Variants in VPS33B observed in about 807,000 individuals in gnomAD.
VPS33B encodes the protein vacuolar protein sorting-associated protein 33B.
In VPS33B, 80 loss-of-function variants were observed where a neutral mutation model predicts 95.3. The observed-to-expected ratio is 0.84, with a 90% CI of 0.70 to 1.01. VPS33B has a LOEUF of 1.01. Among genes scored for constraint, VPS33B ranks in the 50% least tolerant of loss-of-function variants. The pLI is 0.00. For synonymous variants in VPS33B, 280 were observed against 280.4 expected (o/e 1.00, Z 0.01); for missense variants, 715 against 773.4 (o/e 0.92, Z 0.90).
In VPS33B at chr15:91,005,921, C is replaced by T; in HGVS notation, c.939+52G>A. On this transcript the variant is annotated intron_variant, in intron 12 of 22. Transcript: ENST00000333371. The surrounding 1 kb of genome is among the most constrained non-coding windows in gnomAD (Gnocchi z 6.4). ...AGAAGGGGAGCCCAAGGGCAGCAGC[C>T]TTGGGAAGCCACTGAGGCAACAAAA... 1 of 1,610,926 alleles carries T rather than the reference C, an allele frequency of 6.2e-7. No individual in the cohort carries two copies. Among genetic ancestry groups the T allele is most frequent in the Non-Finnish European group, 8.5e-7 (1 of 1,178,012 alleles).
Position 90,998,919 on chromosome 15 carries a change from T to A in VPS33B, c.*56A>T. 1.3e-6 allele frequency: 2 copies of A among 1,585,250 alleles called. No homozygotes were observed. Among genetic ancestry groups the A allele is most frequent in the African/African-American group, 1.3e-5 (1 of 74,544 alleles). On this transcript the variant is annotated 3_prime_UTR_variant, in exon 23 of 23. Coordinates refer to ENST00000333371, the MANE Select transcript of VPS33B (RefSeq NM_018668.5). This position sits in a 1 kb window ranked among gnomAD's most constrained non-coding sequence, Gnocchi z 4.8. ...TTATAGCAGCTGGGTGCCAGATGCC[T>A]GCATCTCACTGAGGAATGTGTTCAG...
In VPS33B at chr15:91,005,583, A is replaced by T. The variant is rs925439634; in HGVS notation, c.1030+111T>A. ...TTCTTCCCACTTTACACCAAGTAAG[A>T]CCATATGCATCAGATGAACAGGGAT... On this transcript the variant is annotated intron_variant, in intron 13 of 22. Coordinates refer to ENST00000333371, the MANE Select transcript of VPS33B (RefSeq NM_018668.5). This position sits in a 1 kb window ranked among gnomAD's most constrained non-coding sequence, Gnocchi z 6.4. 1 of 1,572,984 alleles carries T rather than the reference A, an allele frequency of 6.4e-7. No individual in the cohort carries two copies. Among genetic ancestry groups the T allele is most frequent in the African/African-American group, 1.3e-5 (1 of 74,138 alleles).
rs749173752 is a variant in VPS33B, at chr15:91,007,019, C to T, written c.631G>A (p.Glu211Lys). Residue 211 changes from glutamate (E) to lysine (K), a missense_variant, in exon 9 of 23, where the codon GAG becomes AAG. Coordinates refer to ENST00000333371, the MANE Select transcript of VPS33B (RefSeq NM_018668.5). The surrounding 1 kb of genome is among the most constrained non-coding windows in gnomAD (Gnocchi z 5.3). Reference protein sequence around the residue: ...KMAYELWRNLEEEEDGETKGR... With the variant: ...KMAYELWRNLKEEEDGETKGR... Reference sequence around the variant, plus strand: ...TTGGTTTCGCCATCCTCCTCCTCCTCCAGGTTCCTCCACAATTCATATGCC... The same window carrying T: ...TTGGTTTCGCCATCCTCCTCCTCCTTCAGGTTCCTCCACAATTCATATGCC... 2 of 1,613,194 alleles carry T rather than the reference C, an allele frequency of 1.2e-6. No individual in the cohort carries two copies. Among genetic ancestry groups the T allele is most frequent in the East Asian group, 2.2e-5 (1 of 44,890 alleles).
In VPS33B at chr15:91,018,042, T is replaced by C. The variant is rs904824277; in HGVS notation, c.97-157A>G. 1.3e-5 allele frequency: 9 copies of C among 709,396 alleles called. No homozygotes were observed. The East Asian group carries it at 2.2e-4, about 17-fold the overall frequency. 43.9% of individuals were successfully genotyped at this position (709,396 alleles called of 1,614,324 possible). ...CCTTATTTATTATCTGTATCCACAG[T>C]TGACACTTCTCTGTATATTTACCTA... On this transcript the variant is annotated intron_variant, in intron 1 of 22. Coordinates refer to ENST00000333371, the MANE Select transcript of VPS33B (RefSeq NM_018668.5). The surrounding 1 kb of genome is among the most constrained non-coding windows in gnomAD (Gnocchi z 4.7).
Position 91,006,794 on chromosome 15 carries a change from G to A in VPS33B, c.701-65C>T. The stretch of plus-strand genomic sequence containing the variant: ...CCAGCCTTCTACACAGCATGTCCAA[G>A]GGCAGCTTTGATACTTTCCATAGGG... On this transcript the variant is annotated intron_variant, in intron 9 of 22. Coordinates refer to ENST00000333371, the MANE Select transcript of VPS33B (RefSeq NM_018668.5). This position sits in a 1 kb window ranked among gnomAD's most constrained non-coding sequence, Gnocchi z 5.4. 6.2e-7 allele frequency: 1 copy of A among 1,603,414 alleles called. No individual in the cohort carries two copies. The highest frequency in any genetic ancestry group is 8.5e-7 in the Non-Finnish European group (1 of 1,170,448).
chr15:91,013,785 C>T lies in VPS33B; in HGVS notation c.357+19G>A. 1 of 1,614,128 alleles carries T rather than the reference C, an allele frequency of 6.2e-7. No homozygotes were observed. Among genetic ancestry groups the T allele is most frequent in the South Asian group, 1.1e-5 (1 of 91,088 alleles). On this transcript the variant is annotated intron_variant, in intron 5 of 22. Coordinates refer to ENST00000333371, the MANE Select transcript of VPS33B (RefSeq NM_018668.5). This position sits in a 1 kb window ranked among gnomAD's most constrained non-coding sequence, Gnocchi z 4.5. ...GTCCTGTTCTACCTTATCCCACTTC[C>T]TCCAGGATCCAAACTCACCTTTTGA...
In VPS33B at chr15:91,005,185, G is replaced by C. The variant is rs2040564773; in HGVS notation, c.1106-66C>G. 1.2e-6 allele frequency: 2 copies of C among 1,613,620 alleles called. No individual in the cohort carries two copies. The highest frequency in any genetic ancestry group is 1.3e-5 in the African/African-American group (1 of 75,056). The stretch of plus-strand genomic sequence containing the variant: ...TCAGCTGCTGCCATCTATGCTAACA[G>C]GTGTCTGTCTCCCCATCTCTTTCTC... On this transcript the variant is annotated intron_variant, in intron 14 of 22. Transcript: ENST00000333371. The surrounding 1 kb of genome is among the most constrained non-coding windows in gnomAD (Gnocchi z 6.4).
At position 91,006,399 on chromosome 15, in the gene VPS33B, C is replaced by T. The variant is rs557447865; in HGVS notation, c.825G>A (p.Leu275=). The part of the protein sequence containing the change: ...GPEVTSSDKS[L]KVLLNAEDKV... ...TGTCCTCGGCATTGAGTAGCACCTT[C>T]AGGCTCTTGTCAGAGGATGTGACTT... is the stretch of plus-strand genomic sequence containing the variant. The change falls in exon 11 of 23, where the codon CTG becomes CTA. Residue 275 remains leucine (L), a synonymous_variant. Transcript: ENST00000333371. The surrounding 1 kb of genome is among the most constrained non-coding windows in gnomAD (Gnocchi z 5.4). 5.5e-5 allele frequency: 88 copies of T among 1,614,242 alleles called. No individual in the cohort carries two copies. The highest frequency in any genetic ancestry group is 2.2e-4 in the East Asian group (10 of 44,886).
chr15:91,014,468 G>A (rs772245143), intron 3 of VPS33B, 35 bp from the exon 4 acceptor site: 1 of 1,610,758 alleles, frequency 6.2e-7, no homozygotes, highest in East Asian at 2.2e-5. Flanking sequence ...CAGTGAAGAA[G>A]AATTATCAAG....
At position 91,006,782 on chromosome 15, in the gene VPS33B, C is replaced by G; in HGVS notation, c.701-53G>C. 6 of 1,607,956 alleles carry G rather than the reference C, an allele frequency of 3.7e-6. No individual in the cohort carries two copies. Among genetic ancestry groups the G allele is most frequent in the Non-Finnish European group, 5.1e-6 (6 of 1,174,428 alleles). On this transcript the variant is annotated intron_variant, in intron 9 of 22. Coordinates refer to ENST00000333371, the MANE Select transcript of VPS33B (RefSeq NM_018668.5). The surrounding 1 kb of genome is among the most constrained non-coding windows in gnomAD (Gnocchi z 5.4). ...GTTCTCCCTGACCCAGCCTTCTACA[C>G]AGCATGTCCAAGGGCAGCTTTGATA...
At position 91,006,817 on chromosome 15, in the gene VPS33B, GGGCCAAGGACCCAC is replaced by G; in HGVS notation, c.701-102_701-89del. On this transcript the variant is annotated intron_variant, in intron 9 of 22. Coordinates refer to ENST00000333371, the MANE Select transcript of VPS33B (RefSeq NM_018668.5). The surrounding 1 kb of genome is among the most constrained non-coding windows in gnomAD (Gnocchi z 5.4). Reference sequence around the variant, plus strand: ...AAGGGCAGCTTTGATACTTTCCATAGGGCCAAGGACCCACGCTCCTCAAAGCTGGGATTCACAGC... The same window carrying G: ...AAGGGCAGCTTTGATACTTTCCATAGGCTCCTCAAAGCTGGGATTCACAGC... 6.3e-7 allele frequency: 1 copy of G among 1,591,850 alleles called. No individual in the cohort carries two copies. The highest frequency in any genetic ancestry group is 1.1e-5 in the South Asian group (1 of 90,530).
At chr15:91,014,557 C>T in intron 3 of VPS33B, 124 bp from the exon 4 acceptor site, 1 of 1,041,356 alleles carries the variant, frequency 9.6e-7, no homozygotes, top group Non-Finnish European at 1.5e-6. Flanking sequence ...CTAGCCAAAG[C>T]TATGCTATTC....
In VPS33B at chr15:91,004,213, ACT is replaced by A. The variant is rs1399554890; in HGVS notation, c.1225+662_1225+663del. On this transcript the variant is annotated intron_variant, in intron 16 of 22. Coordinates refer to ENST00000333371, the MANE Select transcript of VPS33B (RefSeq NM_018668.5). ...ACTCCAGCCTAGGCAACAGAGCAAG[ACT>A]CTGTCTTAAAAAAAAAAAAAAGAAG... Among the ~76,000 whole-genome samples the A allele has an allele frequency of 3.0e-4, 44 of 144,318 alleles. 1 individual carries two copies. Among genetic ancestry groups the A allele is most frequent in the Non-Finnish European group, 1.3e-4 (9 of 67,216 alleles). 94.7% of individuals were successfully genotyped at this position (144,318 alleles called of 152,430 possible).
Position 91,005,531 on chromosome 15 carries a change from A to C in VPS33B, c.1031-77T>G. The C allele has an allele frequency of 6.2e-7, 1 of 1,606,954 alleles. No individual in the cohort carries two copies. Among genetic ancestry groups the C allele is most frequent in the Non-Finnish European group, 8.5e-7 (1 of 1,174,120 alleles). On this transcript the variant is annotated intron_variant, in intron 13 of 22. Transcript: ENST00000333371. The surrounding 1 kb of genome is among the most constrained non-coding windows in gnomAD (Gnocchi z 6.4). ...CCTTTATTGTCCGGAAGAATAAAAA[A>C]CCTCCTAAGGCAAAATCCGAAAGCA...
chr15:91,000,112 G>A lies in VPS33B; in HGVS notation c.1582-137C>T. The A allele has an allele frequency of 1.9e-6, 2 of 1,064,194 alleles. No homozygotes were observed. The highest frequency in any genetic ancestry group is 2.8e-6 in the Non-Finnish European group (2 of 710,830). The allele number at this position is 1,064,194 out of a possible 1,614,324, so 65.9% of individuals were successfully genotyped here. ...AGTTGAGACAGGGCCAGGTGTGGTGGCTCACGCCTGTAATTCCAACACTTT... is the reference window on the plus strand; with the variant it reads ...AGTTGAGACAGGGCCAGGTGTGGTGACTCACGCCTGTAATTCCAACACTTT... On this transcript the variant is annotated intron_variant, in intron 20 of 22. Transcript: ENST00000333371. The surrounding 1 kb of genome is among the most constrained non-coding windows in gnomAD (Gnocchi z 4.9).
At chr15:91,014,219 CAAAAAAAAAA>C (rs61232231) in intron 4 of VPS33B, among the ~76,000 whole-genome samples, 155 bp downstream of exon 4, 1 of 59,624 alleles carries the variant, frequency 1.7e-5, no homozygotes, top group African/African-American at 5.7e-5. Flanking sequence ...AACTCCGTCT[CAAAAAAAAAA>C]AAAAAAAAAA....
Position 91,006,515 on chromosome 15 carries a change from T to A in VPS33B, c.779-70A>T. 3 of 1,610,782 alleles carry A rather than the reference T, an allele frequency of 1.9e-6. No homozygotes were observed. Among genetic ancestry groups the A allele is most frequent in the Non-Finnish European group, 2.5e-6 (3 of 1,177,080 alleles). The stretch of plus-strand genomic sequence containing the variant: ...TCTCCTACCATTCCCTGAACTGCCA[T>A]AAAGGTCCTCAAACTATTTGGAAGC... On this transcript the variant is annotated intron_variant, in intron 10 of 22. Transcript: ENST00000333371. This position sits in a 1 kb window ranked among gnomAD's most constrained non-coding sequence, Gnocchi z 5.4.
chr15:91,019,114 G>GT (rs368381850), intron 1 of VPS33B, among the ~76,000 whole-genome samples: 1,236 of 87,740 alleles, frequency 0.014, 22 homozygotes, highest in Non-Finnish European at 0.02. Context: ...CTCCTGGCCT[G>GT]TTTTTTTTTT....
intron 5 of VPS33B, among the ~76,000 whole-genome samples, chr15:91,012,643 G>A (rs1434768802): frequency 2.6e-5 from 4 of 152,194 alleles, no homozygotes; most frequent in African/African-American, 9.7e-5. Flanking sequence ...CTGTAAGTAT[G>A]CATGCACTAC....
Sources: allele counts gnomAD v4.1 joint callset (sites outside exome capture counted in the v4.1 genomes callset), GRCh38; gene constraint gnomAD v4.1.1; non-coding constraint Gnocchi (gnomAD v3.1); transcripts MANE v1.5; gene names NCBI Gene and HGNC (gene_info 2026-07-23, HGNC 2026-07-21).